Variants in WHRN observed in about 807,000 individuals in gnomAD.
WHRN encodes the protein whirlin.
Under a neutral mutation model 68.3 loss-of-function variants are expected in WHRN, and 41 were observed. The observed-to-expected ratio is 0.60, with a 90% CI of 0.47 to 0.78. The LOEUF is 0.78. Ranked by LOEUF, WHRN falls within the 30% of genes least tolerant of loss-of-function variation. The probability of loss-of-function intolerance (pLI) is 0.00; values close to 1 mark genes in which losing one functional copy is unlikely to be tolerated. For missense variants in WHRN, 1,243 were observed against 1,244.7 expected (o/e 1.00, Z 0.02); for synonymous variants, 560 against 561.3 (o/e 1.00, Z 0.03).
At chr9:114,429,023 T>C (rs1451016886) in intron 3 of WHRN, among the ~76,000 whole-genome samples, 2 of 151,978 alleles carry the variant, frequency 1.3e-5, no homozygotes, top group African/African-American at 4.8e-5. Context: ...CTCCACCTCC[T>C]GGGTTCAAGC....
intron 3 of WHRN, among the ~76,000 whole-genome samples, chr9:114,441,048 G>A (rs527586378): frequency 5.3e-5 from 8 of 152,278 alleles, no homozygotes; most frequent in South Asian, 2.1e-4. Flanking sequence ...TCAGACAGAC[G>A]ATTCATCTGG....
intron 7 of WHRN, among the ~76,000 whole-genome samples, chr9:114,422,392 T>C (rs2132343173): frequency 6.6e-6 from 1 of 152,330 alleles, no homozygotes; most frequent in African/African-American, 2.4e-5. Context: ...AATAACCAGT[T>C]GTTTCCCAAG....
At chr9:114,440,987 G>GGCTT (rs1324882917) in intron 3 of WHRN, among the ~76,000 whole-genome samples, 1 of 152,164 alleles carries the variant, frequency 6.6e-6, no homozygotes, top group Non-Finnish European at 1.5e-5. Flanking sequence ...AAAGTTGCAT[G>GGCTT]GCTTAATATG....
chr9:114,441,466 A>G (rs1384080568), intron 3 of WHRN, among the ~76,000 whole-genome samples: 1 of 152,230 alleles, frequency 6.6e-6, no homozygotes, highest in Non-Finnish European at 1.5e-5. Context: ...TCTAAATGCC[A>G]TTCCCCATTG....
Position 114,423,374 on chromosome 9 carries a change from G to C in WHRN, c.1566C>G (p.Tyr522Ter). 1 of 1,614,086 alleles carries C rather than the reference G, an allele frequency of 6.2e-7. No homozygotes were observed. Among genetic ancestry groups the C allele is most frequent in the Non-Finnish European group, 8.5e-7 (1 of 1,179,980 alleles). The change falls in exon 7 of 12, where the codon TAC becomes TAG. Residue 522 changes from tyrosine to a stop codon, truncating the protein, a stop_gained. Coordinates refer to ENST00000362057, the MANE Select transcript of WHRN (RefSeq NM_015404.4). LOFTEE classifies it high-confidence loss of function. ...TGCCTGTGGATGAACCCGTGTCACT[G>C]TAGGAGACCATGGAGTAGGTGTCCC... ...GAGDTYSMVS[Y>*]SDTGSSTGSH...
chr9:114,491,154 G>A (rs10759712), intron 1 of WHRN, among the ~76,000 whole-genome samples: 66,986 of 151,982 alleles, frequency 0.44, 15,055 homozygotes, highest in Non-Finnish European at 0.47. Context: ...TATCCATATC[G>A]TTTTCTCATT....
At chr9:114,457,022 A>G (rs942647286) in intron 3 of WHRN, among the ~76,000 whole-genome samples, 1 of 152,156 alleles carries the variant, frequency 6.6e-6, no homozygotes, top group Non-Finnish European at 1.5e-5. Context: ...TCATTTACCA[A>G]AAGAAAAAAA....
intron 7 of WHRN, among the ~76,000 whole-genome samples, chr9:114,410,219 C>T (rs912873957): frequency 2.0e-5 from 3 of 152,202 alleles, no homozygotes; most frequent in Admixed American, 2.0e-4. Context: ...ACACCTATCA[C>T]CATCTGACTT....
chr9:114,446,997 C>A (rs1242481692), intron 3 of WHRN, among the ~76,000 whole-genome samples: 1 of 152,026 alleles, frequency 6.6e-6, no homozygotes, highest in Non-Finnish European at 1.5e-5. Context: ...GTGCTCCTCC[C>A]AATTCTTCCT....
intron 7 of WHRN, among the ~76,000 whole-genome samples, chr9:114,417,873 ACCT>A (rs1835932640): frequency 6.6e-6 from 1 of 152,168 alleles, no homozygotes; most frequent in Non-Finnish European, 1.5e-5. Context: ...ATTTTCCAGC[ACCT>A]CCTGATGCAG....
intron 3 of WHRN, among the ~76,000 whole-genome samples, chr9:114,458,055 C>T (rs1199080225): frequency 6.6e-6 from 1 of 152,182 alleles, no homozygotes; most frequent in Non-Finnish European, 1.5e-5. Flanking sequence ...GGCTGTCACC[C>T]TTAGCAGAGC....
intron 3 of WHRN, among the ~76,000 whole-genome samples, chr9:114,438,880 T>C (rs1391837688): frequency 6.6e-6 from 1 of 152,142 alleles, no homozygotes; most frequent in Non-Finnish European, 1.5e-5. Flanking sequence ...TAAATGTCCA[T>C]ACAGAGGAGA....
At chr9:114,435,800 T>C (rs999682884) in intron 3 of WHRN, among the ~76,000 whole-genome samples, 18 of 152,340 alleles carry the variant, frequency 1.2e-4, no homozygotes, top group South Asian at 6.2e-4. Flanking sequence ...ACCTCATTTA[T>C]AGTAGCAACA....
chr9:114,406,235 T>C lies in WHRN; in HGVS notation c.2236+120A>G, dbSNP rs1278895635. On this transcript the variant is annotated intron_variant, in intron 9 of 11. Coordinates refer to ENST00000362057, the MANE Select transcript of WHRN (RefSeq NM_015404.4). Reference sequence around the variant, plus strand: ...TGGGGTCTCCAACTCCCTTCGCCACTCTGGCCCTGAGCCCCCTCAACAAGT... The same window carrying C: ...TGGGGTCTCCAACTCCCTTCGCCACCCTGGCCCTGAGCCCCCTCAACAAGT... 47 of 1,421,880 alleles carry C rather than the reference T, an allele frequency of 3.3e-5. 1 individual carries two copies. The East Asian group carries it at 1.1e-3, about 32-fold the overall frequency. The allele number at this position is 1,421,880 out of a possible 1,614,324, so 88.1% of individuals were successfully genotyped here.
At position 114,505,029 on chromosome 9, in the gene WHRN, G is replaced by A; in HGVS notation, c.-228C>T. ...GGGGTCGCGAACCTGGAATCCGGGG[G>A]ACGCGGAGACGTCGGCGGGTTCCTG... On this transcript the variant is annotated 5_prime_UTR_variant, in exon 1 of 12. Coordinates refer to ENST00000362057, the MANE Select transcript of WHRN (RefSeq NM_015404.4). 1 of 531,250 alleles carries A rather than the reference G, an allele frequency of 1.9e-6. No homozygotes were observed. The highest frequency in any genetic ancestry group is 3.7e-5 in the East Asian group (1 of 26,810). 32.9% of individuals were successfully genotyped at this position (531,250 alleles called of 1,614,324 possible).
Position 114,504,862 on chromosome 9 carries a change from C to A in WHRN, c.-61G>T. On this transcript the variant is annotated 5_prime_UTR_variant, in exon 1 of 12. Transcript: ENST00000362057. ...GGGGTGTGGGCGGTGCCGCTGTCCT[C>A]GCGGGTACTGGCGCGACAGCTGGAT... 7.5e-7 allele frequency: 1 copy of A among 1,341,254 alleles called. No individual in the cohort carries two copies. The highest frequency in any genetic ancestry group is 9.5e-7 in the Non-Finnish European group (1 of 1,055,940). 83.1% of individuals were successfully genotyped at this position (1,341,254 alleles called of 1,614,324 possible).
intron 9 of WHRN, among the ~76,000 whole-genome samples, chr9:114,406,073 G>A (rs1213584490): frequency 1.3e-5 from 2 of 152,222 alleles, no homozygotes; most frequent in African/African-American, 4.8e-5. Context: ...GGGGGAGCTG[G>A]AGAAGGCACC....
chr9:114,501,532 A>C, intron 1 of WHRN, among the ~76,000 whole-genome samples: 1 of 145,202 alleles, frequency 6.9e-6, no homozygotes. Context: ...CCTAAAATTT[A>C]ATTTAATTTA....
At chr9:114,475,643 C>T (rs972175522) in intron 2 of WHRN, among the ~76,000 whole-genome samples, 2 of 152,188 alleles carry the variant, frequency 1.3e-5, no homozygotes, top group African/African-American at 2.4e-5. Context: ...GTTATGGTTA[C>T]GAGTCCAAGA....
Sources: allele counts gnomAD v4.1 joint callset (sites outside exome capture counted in the v4.1 genomes callset), GRCh38; gene constraint gnomAD v4.1.1; transcripts MANE v1.5; gene names NCBI Gene and HGNC (gene_info 2026-07-23, HGNC 2026-07-21).